Variants in SUCO observed in about 807,000 individuals in gnomAD.
The protein encoded by SUCO is SUN domain containing ossification factor.
Under a neutral mutation model 148.1 loss-of-function variants are expected in SUCO, and 57 were observed. That is an observed-to-expected ratio of 0.38 (90% CI 0.31 to 0.48). SUCO has a LOEUF of 0.48. Among genes scored for constraint, SUCO ranks in the 20% least tolerant of loss-of-function variants. The pLI, the probability that SUCO is intolerant of heterozygous loss-of-function variation, is 0.96. For synonymous variants in SUCO, 470 were observed against 502.7 expected (o/e 0.93, Z 0.87); for missense variants, 1,331 against 1,468.2 (o/e 0.91, Z 1.53).
At position 172,609,963 on chromosome 1, in the gene SUCO, T is replaced by C; in HGVS notation, c.3469T>C (p.Ser1157Pro). 1 of 1,613,972 alleles carries C rather than the reference T, an allele frequency of 6.2e-7. No individual in the cohort carries two copies. The highest frequency in any genetic ancestry group is 8.5e-7 in the Non-Finnish European group (1 of 1,179,880). ...FSNMGEVYHS[S>P]YKGPPSEGSS... is the part of the protein sequence containing the mutation. The stretch of plus-strand genomic sequence containing the variant: ...TAATATGGGAGAAGTTTATCACTCT[T>C]CTTATAAAGGTCCTCCATCTGAAGG... The change falls in exon 24 of 24, where the codon TCT (serine) becomes CCT (proline). Residue 1157 changes from serine to proline, a missense_variant. By Grantham distance (74) the Ser-to-Pro change is moderately conservative. Transcript: ENST00000263688.
At chr1:172,554,274 T>C (rs1653552862) in intron 3 of SUCO, among the ~76,000 whole-genome samples, 1 of 152,204 alleles carries the variant, frequency 6.6e-6, no homozygotes, top group African/African-American at 2.4e-5. Flanking sequence ...TGTATGACTA[T>C]CCTGAACACT....
chr1:172,555,438 G>T, intron 3 of SUCO: 16 of 983,860 alleles, frequency 1.6e-5, no homozygotes, highest in Non-Finnish European at 1.9e-5. Flanking sequence ...ATTGCTTCAT[G>T]GTGTTACTTG....
At chr1:172,534,835 C>G (rs1234323944) in intron 1 of SUCO, among the ~76,000 whole-genome samples, 1 of 152,138 alleles carries the variant, frequency 6.6e-6, no homozygotes, top group African/African-American at 2.4e-5. Flanking sequence ...TATTTTCTTT[C>G]CTCTTTCTTC....
intron 3 of SUCO, among the ~76,000 whole-genome samples, chr1:172,553,597 A>G (rs1171844745): frequency 1.3e-5 from 2 of 152,148 alleles, no homozygotes; most frequent in African/African-American, 4.8e-5. Flanking sequence ...AAGTTTGAGT[A>G]TAAATCCTCA....
intron 23 of SUCO, 72 bp from the exon 24 acceptor site, chr1:172,609,739 TAGCTC>T: frequency 6.6e-7 from 1 of 1,522,208 alleles, no homozygotes; most frequent in African/African-American, 1.4e-5. Flanking sequence ...ACTTCTCTAT[TAGCTC>T]AGCTCTCTAG....
intron 1 of SUCO, 70 bp downstream of exon 1, chr1:172,533,567 C>T (rs1158748000): frequency 2.1e-6 from 3 of 1,446,656 alleles, no homozygotes; most frequent in South Asian, 1.5e-5. Flanking sequence ...CAGGTCACAC[C>T]CCCTGGTCAT....
chr1:172,567,190 C>A (rs1408945852), intron 6 of SUCO, among the ~76,000 whole-genome samples: 1 of 152,200 alleles, frequency 6.6e-6, no homozygotes, highest in Non-Finnish European at 1.5e-5. Context: ...CAAAAGCATG[C>A]TCTTATGTAG....
intron 1 of SUCO, among the ~76,000 whole-genome samples, chr1:172,539,444 C>A (rs1175416856): frequency 2.6e-5 from 4 of 152,068 alleles, no homozygotes; most frequent in Non-Finnish European, 4.4e-5. Flanking sequence ...TGAATATTTG[C>A]AGTATAAGAG....
At chr1:172,578,254 G>A (rs541743629) in intron 13 of SUCO, 44 bp from the exon 14 acceptor site, 59 of 1,358,664 alleles carry the variant, frequency 4.3e-5, no homozygotes, top group East Asian at 3.2e-4. Context: ...TAGTCTTAAC[G>A]AGTGTTTTGT....
At chr1:172,572,193 G>A (rs1249529935) in intron 9 of SUCO, among the ~76,000 whole-genome samples, 1 of 147,862 alleles carries the variant, frequency 6.8e-6, no homozygotes, top group Admixed American at 6.7e-5. Context: ...CCCCGTTTGG[G>A]AGGTGTACCC....
At chr1:172,584,359 A>G in intron 15 of SUCO, 1 of 949,852 alleles carries the variant, frequency 1.1e-6, no homozygotes, top group Non-Finnish European at 1.3e-6. Flanking sequence ...GTAAAATAAG[A>G]ATTTTGGTCA....
chr1:172,583,367 A>G (rs1656013450), intron 15 of SUCO, among the ~76,000 whole-genome samples: 2 of 152,134 alleles, frequency 1.3e-5, no homozygotes, highest in African/African-American at 4.8e-5. Context: ...TGTTACAGTA[A>G]TGATTAGAAA....
At chr1:172,583,708 G>C (rs1656040876) in intron 15 of SUCO, among the ~76,000 whole-genome samples, 1 of 152,144 alleles carries the variant, frequency 6.6e-6, no homozygotes, top group Admixed American at 6.5e-5. Context: ...TGTAGCCCCT[G>C]CCAGATCTTA....
At chr1:172,559,590 C>A (rs1264319812) in intron 6 of SUCO, among the ~76,000 whole-genome samples, 2 of 152,104 alleles carry the variant, frequency 1.3e-5, no homozygotes, top group Non-Finnish European at 2.9e-5. Flanking sequence ...GTAGGGCTAC[C>A]CCATAAGCAT....
chr1:172,563,713 C>G (rs1654346816), intron 6 of SUCO, among the ~76,000 whole-genome samples: 1 of 152,184 alleles, frequency 6.6e-6, no homozygotes, highest in South Asian at 2.1e-4. Context: ...AAAACCCATT[C>G]ACTGGGGAGG....
At chr1:172,595,022 C>T (rs966044409) in intron 19 of SUCO, among the ~76,000 whole-genome samples, 2 of 152,156 alleles carry the variant, frequency 1.3e-5, no homozygotes, top group East Asian at 1.9e-4. Context: ...GAATTGATCC[C>T]TTTACCATTA....
chr1:172,582,977 A>G (rs1398631087), intron 15 of SUCO, among the ~76,000 whole-genome samples: 1 of 152,326 alleles, frequency 6.6e-6, no homozygotes, highest in African/African-American at 2.4e-5. Context: ...GAATTATTTA[A>G]TAATGAATGT....
At position 172,589,319 on chromosome 1, in the gene SUCO, G is replaced by C. The variant is rs1656461012; in HGVS notation, c.2218G>C (p.Glu740Gln). The stretch of plus-strand genomic sequence containing the variant: ...GTCTCTTCTTTTAGATATTACCCCA[G>C]AAATCAATCCCTTGCCTAAAATAGA... ...SQSLLLDITP[E>Q]INPLPKIEVS... Residue 740 changes from glutamate to glutamine, a missense_variant, in exon 18 of 24, where the codon GAA (glutamate) becomes CAA (glutamine). Coordinates refer to ENST00000263688, the MANE Select transcript of SUCO (RefSeq NM_014283.5). 2 of 1,613,230 alleles carry C rather than the reference G, an allele frequency of 1.2e-6. No homozygotes were observed. The highest frequency in any genetic ancestry group is 1.7e-6 in the Non-Finnish European group (2 of 1,179,740).
At chr1:172,602,660 C>T (rs369381478) in intron 21 of SUCO, 36 bp from the exon 22 acceptor site, 63 of 1,604,282 alleles carry the variant, frequency 3.9e-5, no homozygotes, top group Middle Eastern at 1.7e-4. Flanking sequence ...GTGCTTTACT[C>T]GTTGTAACCA....
Sources: gnomAD v4.1 joint callset for allele counts (sites outside exome capture counted in the v4.1 genomes callset) on GRCh38, gnomAD v4.1.1 for gene constraint, MANE v1.5 for transcripts, NCBI Gene and HGNC (gene_info 2026-07-23, HGNC 2026-07-21) for gene names.